The following SH3PXD2B variants were observed in gnomAD, a reference collection of about 807,000 sequenced individuals.
The protein encoded by SH3PXD2B is SH3 and PX domain-containing protein 2B.
SH3PXD2B carries 37 observed loss-of-function variants against 73.1 expected under a neutral mutation model. That is an observed-to-expected ratio of 0.51 (90% CI 0.39 to 0.67). SH3PXD2B has a LOEUF of 0.67. Among genes scored for constraint, SH3PXD2B ranks in the 30% least tolerant of loss-of-function variants. The pLI, the probability that SH3PXD2B is intolerant of heterozygous loss-of-function variation, is 0.00. For missense variants in SH3PXD2B, 1,053 were observed against 1,197.8 expected, an observed-to-expected ratio of 0.88 and a Z score of 1.78; for synonymous variants, 457 against 480.5, an observed-to-expected ratio of 0.95 and a Z score of 0.64.
chr5:172,449,020 A>G (rs544876628), intron 1 of SH3PXD2B, among the ~76,000 whole-genome samples: 3 of 152,298 alleles, frequency 2.0e-5, no homozygotes, highest in East Asian at 1.9e-4. Flanking sequence ...AGTAATGCCT[A>G]CTAAGGGCGC....
At chr5:172,447,295 C>A (rs2731692) in intron 1 of SH3PXD2B, among the ~76,000 whole-genome samples, 43,488 of 151,998 alleles carry the variant, frequency 0.29, 6,453 homozygotes, top group Non-Finnish European at 0.34. Flanking sequence ...TGAAAATCAG[C>A]CTGAGCATGC....
intron 4 of SH3PXD2B, among the ~76,000 whole-genome samples, chr5:172,387,078 T>C: frequency 6.6e-6 from 1 of 152,042 alleles, no homozygotes; most frequent in East Asian, 1.9e-4. Context: ...AATAATAATA[T>C]AGGTGGGTGG....
chr5:172,428,771 C>A (rs915060855), intron 1 of SH3PXD2B, among the ~76,000 whole-genome samples: 1 of 152,050 alleles, frequency 6.6e-6, no homozygotes, highest in Non-Finnish European at 1.5e-5. Flanking sequence ...GAGCTCTTGA[C>A]CTAGGTTCTA....
At chr5:172,434,201 C>T (rs1049576267) in intron 1 of SH3PXD2B, among the ~76,000 whole-genome samples, 1 of 152,130 alleles carries the variant, frequency 6.6e-6, no homozygotes. Context: ...TCATTACACC[C>T]TCTATGCATG....
intron 2 of SH3PXD2B, among the ~76,000 whole-genome samples, chr5:172,416,011 A>G (rs2113451286): frequency 6.6e-6 from 1 of 152,302 alleles, no homozygotes; most frequent in East Asian, 1.9e-4. Context: ...CAGGAAACCA[A>G]GTTGGAAGGT....
chr5:172,414,050 AC>A (rs1758760550), intron 2 of SH3PXD2B, among the ~76,000 whole-genome samples: 1 of 151,770 alleles, frequency 6.6e-6, no homozygotes, highest in Non-Finnish European at 1.5e-5. Context: ...CTGGAAGAAA[AC>A]CCTCCCTTCC....
intron 1 of SH3PXD2B, among the ~76,000 whole-genome samples, chr5:172,446,401 A>C (rs149887768): frequency 2.5e-3 from 387 of 152,314 alleles, no homozygotes; most frequent in African/African-American, 9.0e-3. Flanking sequence ...CTCGGGGGGC[A>C]GTGGCTCCCT....
Position 172,335,943 on chromosome 5 carries a change from A to C in SH3PXD2B, c.*2426T>G. 2 of 1,132,374 alleles carry C rather than the reference A, an allele frequency of 1.8e-6. No homozygotes were observed. Among genetic ancestry groups the C allele is most frequent in the Non-Finnish European group, 2.2e-6 (2 of 925,618 alleles). 70.1% of individuals were successfully genotyped at this position (1,132,374 alleles called of 1,614,324 possible). Reference sequence around the variant, plus strand: ...ATCATCATCATCATAGCAAAAGAGAATGGCAGATTCTTTCATTTGCAGGAA... The same window carrying C: ...ATCATCATCATCATAGCAAAAGAGACTGGCAGATTCTTTCATTTGCAGGAA... On this transcript the variant is annotated 3_prime_UTR_variant, in exon 13 of 13. Transcript: ENST00000311601.
chr5:172,442,135 C>T (rs2113507708), intron 1 of SH3PXD2B, among the ~76,000 whole-genome samples: 1 of 152,294 alleles, frequency 6.6e-6, no homozygotes, highest in African/African-American at 2.4e-5. Flanking sequence ...CCTATGAGGT[C>T]ACACTACCCT....
chr5:172,327,053 T>G (rs1327331141), intron 12 of SH3PXD2B, among the ~76,000 whole-genome samples: 2 of 151,950 alleles, frequency 1.3e-5, no homozygotes, highest in African/African-American at 4.8e-5. Context: ...AGAGACAAGG[T>G]TTCACCATGT....
At chr5:172,424,320 T>C (rs1306783262) in intron 1 of SH3PXD2B, among the ~76,000 whole-genome samples, 1 of 152,216 alleles carries the variant, frequency 6.6e-6, no homozygotes, top group Admixed American at 6.5e-5. Context: ...CTGATGGTCA[T>C]GTAGGATTTA....
intron 1 of SH3PXD2B, among the ~76,000 whole-genome samples, chr5:172,428,283 A>G (rs893731475): frequency 6.6e-6 from 1 of 152,206 alleles, no homozygotes; most frequent in Non-Finnish European, 1.5e-5. Context: ...AAACTTAAAG[A>G]GACACTTCAT....
Position 172,358,824 on chromosome 5 carries a change from G to A in SH3PXD2B, c.616C>T (p.Leu206Phe). ...EEQGWVPATC[L>F]EGQDGVQDEF... The stretch of plus-strand genomic sequence containing the variant: ...TCCTGCACCCCATCCTGGCCTTCGA[G>A]GCACGTTGCAGGGACCCAGCCTTGC... Residue 206 changes from leucine (L) to phenylalanine (F), a missense_variant, in exon 8 of 13, where the codon CTC (leucine) becomes TTC (phenylalanine). Leu to Phe is a conservative substitution (Grantham distance 22). Around this residue, in one of 2 missense-constraint regions of SH3PXD2B, gnomAD observed 466 missense variants for 607.1 expected, o/e 0.77. Coordinates refer to ENST00000311601, the MANE Select transcript of SH3PXD2B (RefSeq NM_001017995.3). 1 of 1,614,076 alleles carries A rather than the reference G, an allele frequency of 6.2e-7. No homozygotes were observed. Among genetic ancestry groups the A allele is most frequent in the Non-Finnish European group, 8.5e-7 (1 of 1,180,002 alleles).
chr5:172,418,838 A>G (rs1465364293), intron 2 of SH3PXD2B, among the ~76,000 whole-genome samples: 1 of 152,208 alleles, frequency 6.6e-6, no homozygotes, highest in Non-Finnish European at 1.5e-5. Context: ...TATGCTGAGC[A>G]TGGAGGAAAA....
chr5:172,363,907 G>A (rs1415038548), intron 6 of SH3PXD2B, among the ~76,000 whole-genome samples: 1 of 152,182 alleles, frequency 6.6e-6, no homozygotes, highest in Non-Finnish European at 1.5e-5. Context: ...CTGCCATGTG[G>A]AGAATGGATC....
At position 172,373,874 on chromosome 5, in the gene SH3PXD2B, C is replaced by T. The variant is rs192884203; in HGVS notation, c.402-59G>A. On this transcript the variant is annotated intron_variant, in intron 5 of 12. Transcript: ENST00000311601. Reference sequence around the variant, plus strand: ...CGAGTCAGTACTTGCCATGTATTGACGTGAGTTATTCTGCCGGGAAACTGA... The same window carrying T: ...CGAGTCAGTACTTGCCATGTATTGATGTGAGTTATTCTGCCGGGAAACTGA... 1,590 of 1,588,684 alleles carry T rather than the reference C, an allele frequency of 1.0e-3. 4 individuals carry two copies. Among genetic ancestry groups the T allele is most frequent in the Admixed American group, 2.2e-3 (133 of 59,850 alleles).
In SH3PXD2B at chr5:172,337,742, G is replaced by A. The variant is rs558146799; in HGVS notation, c.*627C>T. The A allele has an allele frequency of 3.3e-5, 33 of 993,518 alleles. No homozygotes were observed. In the South Asian group the frequency reaches 7.3e-4, roughly 22 times the overall value. The allele number at this position is 993,518 out of a possible 1,614,324, so 61.5% of individuals were successfully genotyped here. A position where few individuals can be genotyped will look rare whatever the true frequency, so the allele number is the denominator to read the frequency against. On this transcript the variant is annotated 3_prime_UTR_variant, in exon 13 of 13. Transcript: ENST00000311601. ...AAGGTGGGAGGCAGGGCGGCTGAGC[G>A]GATCTCCAGGCCCACTCCTGGGGGA...
At chr5:172,432,249 C>T (rs1411992460) in intron 1 of SH3PXD2B, among the ~76,000 whole-genome samples, 2 of 152,180 alleles carry the variant, frequency 1.3e-5, no homozygotes, top group African/African-American at 2.4e-5. Context: ...GTCAACAGCA[C>T]TGCAACTCGT....
At position 172,333,861 on chromosome 5, in the gene SH3PXD2B, C is replaced by T. The variant is rs937425905; in HGVS notation, c.*4508G>A. 7.8e-7 allele frequency: 1 copy of T among 1,282,436 alleles called. No individual in the cohort carries two copies. The allele number at this position is 1,282,436 out of a possible 1,614,324, so 79.4% of individuals were successfully genotyped here. A position where few individuals can be genotyped will look rare whatever the true frequency, so the allele number is the denominator to read the frequency against. On this transcript the variant is annotated 3_prime_UTR_variant, in exon 13 of 13. Transcript: ENST00000311601. ...CAAGGTGGCCACAGTTTATCATCACCCCTCTAAGTGAAAGGGGCGCTAACA... is the reference window on the plus strand; with the variant it reads ...CAAGGTGGCCACAGTTTATCATCACTCCTCTAAGTGAAAGGGGCGCTAACA...
Sources: allele counts gnomAD v4.1 joint callset (sites outside exome capture counted in the v4.1 genomes callset), GRCh38; gene constraint gnomAD v4.1.1; regional missense constraint gnomAD v4.1.1; transcripts MANE v1.5; gene names NCBI Gene and HGNC (gene_info 2026-07-23, HGNC 2026-07-21).